SYNE3: variants seen among roughly 807,000 people sequenced by gnomAD.
SYNE3 encodes nesprin-3.
In SYNE3, 100 loss-of-function variants were observed where a neutral mutation model predicts 111.2. The ratio of observed to expected loss-of-function variants is 0.90; its 90% CI spans 0.77 to 1.06. The LOEUF is 1.06. SYNE3 is among the 50% of genes least tolerant of loss of function. The pLI is 0.00. For missense variants in SYNE3, 1,160 were observed against 1,240.3 expected, an observed-to-expected ratio of 0.94 and a Z score of 0.97; for synonymous variants, 547 against 533.9, an observed-to-expected ratio of 1.02 and a Z score of -0.34.
intron 8 of SYNE3, 24 bp downstream of exon 8, chr14:95,449,907 C>G (rs1027113033): frequency 6.5e-6 from 10 of 1,546,370 alleles, no homozygotes; most frequent in East Asian, 2.4e-5. Context: ...CCCAGCCCCA[C>G]CCAGTTGGCA....
chr14:95,459,458 G>A (rs766524900), intron 4 of SYNE3, among the ~76,000 whole-genome samples: 3 of 152,200 alleles, frequency 2.0e-5, no homozygotes, highest in Middle Eastern at 3.4e-3. Flanking sequence ...TCAGCTACTC[G>A]GGAGGCTGAG....
chr14:95,497,153 C>T (rs35898659), intron 1 of SYNE3, among the ~76,000 whole-genome samples: 8 of 152,204 alleles, frequency 5.3e-5, no homozygotes, highest in African/African-American at 1.9e-4. Flanking sequence ...AGCCCCTGTC[C>T]CCCCACACAG....
At chr14:95,457,493 G>T (rs1887542301) in intron 4 of SYNE3, among the ~76,000 whole-genome samples, 155 bp from the exon 5 acceptor site, 1 of 152,086 alleles carries the variant, frequency 6.6e-6, no homozygotes, top group Admixed American at 6.6e-5. Context: ...GACACAAAGA[G>T]CTCTCAGATA....
In SYNE3 at chr14:95,439,174, A is replaced by G; in HGVS notation, c.2247-12T>C. The G allele has an allele frequency of 6.2e-7, 1 of 1,614,192 alleles. No homozygotes were observed. Among genetic ancestry groups the G allele is most frequent in the Admixed American group, 1.7e-5 (1 of 60,034 alleles). ...AGTTTCTGATGAGGCTGAGAAGACA[A>G]ACTCAGCCCAGTCAATGCAGAGATG... On this transcript the variant is annotated splice_polypyrimidine_tract_variant and intron_variant, in intron 13 of 17. Coordinates refer to ENST00000682763, the MANE Select transcript of SYNE3 (RefSeq NM_152592.6).
chr14:95,432,431 C>A (rs927513752), intron 16 of SYNE3, among the ~76,000 whole-genome samples: 1 of 152,058 alleles, frequency 6.6e-6, no homozygotes, highest in African/African-American at 2.4e-5. Flanking sequence ...AAGCCTGGGG[C>A]GCCCAGCTTG....
At chr14:95,472,657 TG>T (rs1044926239) in intron 2 of SYNE3, among the ~76,000 whole-genome samples, 2 of 152,180 alleles carry the variant, frequency 1.3e-5, no homozygotes, top group African/African-American at 4.8e-5. Context: ...CAGAGAGCTC[TG>T]GGAAATCCTC....
rs1242681185 is a variant in SYNE3, at chr14:95,432,465, G to A, written c.2689-348C>T. 3.3e-5 allele frequency among the ~76,000 whole-genome samples: 5 copies of A among 152,036 alleles called. No homozygotes were observed. In the East Asian group the frequency reaches 9.7e-4, roughly 29 times the overall value. On this transcript the variant is annotated intron_variant, in intron 16 of 17. Transcript: ENST00000682763. ...TGGGGCTGGGGTCTGAGGCTGAAAG[G>A]GCCCTTAAGGGCCAGCTCACCACCC...
chr14:95,514,254 A>C (rs1042551164), intron 1 of SYNE3, among the ~76,000 whole-genome samples: 3 of 152,152 alleles, frequency 2.0e-5, no homozygotes, highest in African/African-American at 7.2e-5. Context: ...TTTGAAGCAG[A>C]GGTCAGCTAG....
At chr14:95,493,560 T>C (rs72692790) in intron 1 of SYNE3, among the ~76,000 whole-genome samples, 14,338 of 152,220 alleles carry the variant, frequency 0.094, 706 homozygotes, top group Non-Finnish European at 0.1. Flanking sequence ...ATAAATGACA[T>C]GAAATTTTTG....
At chr14:95,434,063 G>A (rs902036647) in intron 15 of SYNE3, among the ~76,000 whole-genome samples, 3 of 152,026 alleles carry the variant, frequency 2.0e-5, no homozygotes, top group African/African-American at 4.8e-5. Context: ...TGATATGGCT[G>A]GAGTTGGGTG....
intron 2 of SYNE3, among the ~76,000 whole-genome samples, chr14:95,473,112 G>A (rs113648369): frequency 0.011 from 1,653 of 152,248 alleles, 31 homozygotes; most frequent in African/African-American, 0.037. Flanking sequence ...TTGTGAAATT[G>A]GTTTTGAAGT....
chr14:95,438,702 G>A, intron 14 of SYNE3: 1 of 244,530 alleles, frequency 4.1e-6, no homozygotes. Flanking sequence ...CCAATCTGGG[G>A]CCAGCAGGAA....
chr14:95,514,529 T>C (rs763355275), intron 1 of SYNE3, among the ~76,000 whole-genome samples: 3 of 152,250 alleles, frequency 2.0e-5, no homozygotes, highest in Non-Finnish European at 4.4e-5. Context: ...TTCTCACATG[T>C]GCTGTGTCTG....
chr14:95,409,493 G>A lies in SYNE3; in HGVS notation c.*8333C>T, dbSNP rs754872336. ...AAGCCCAGGATCCTCGGGGGAAACC[G>A]AGGTCCCTCCTTATGATTGCTGTCT... On this transcript the variant is annotated 3_prime_UTR_variant, in exon 18 of 18. Coordinates refer to ENST00000682763, the MANE Select transcript of SYNE3 (RefSeq NM_152592.6). 16 of 414,778 alleles carry A rather than the reference G, an allele frequency of 3.9e-5. No homozygotes were observed. The highest frequency in any genetic ancestry group is 1.9e-4 in the Admixed American group (7 of 36,134). 25.7% of individuals were successfully genotyped at this position (414,778 alleles called of 1,614,324 possible).
At chr14:95,423,616 T>G (rs1386190129) in intron 17 of SYNE3, among the ~76,000 whole-genome samples, 1 of 6,692 alleles carries the variant, frequency 1.5e-4, no homozygotes, top group Non-Finnish European at 3.4e-4. Flanking sequence ...GGGGATTTGA[T>G]GGGGATGGGG....
chr14:95,429,724 A>C (rs1885638963), intron 17 of SYNE3, among the ~76,000 whole-genome samples: 1 of 152,186 alleles, frequency 6.6e-6, no homozygotes, highest in Non-Finnish European at 1.5e-5. Flanking sequence ...CCGTCTTTGC[A>C]TACCCCACCA....
intron 17 of SYNE3, among the ~76,000 whole-genome samples, chr14:95,424,486 G>T (rs1303632845): frequency 6.6e-6 from 1 of 152,190 alleles, no homozygotes; most frequent in Admixed American, 6.5e-5. Context: ...CCTCTACCCA[G>T]CCCCTACAGG....
chr14:95,449,473 G>A (rs1886923402), intron 8 of SYNE3: 1 of 985,456 alleles, frequency 1.0e-6, no homozygotes, highest in Non-Finnish European at 1.2e-6. Context: ...CAGCCATGCT[G>A]GGGCCATGAG....
At chr14:95,437,720 C>G (rs1339648294) in intron 14 of SYNE3, 1 of 152,218 alleles carries the variant, frequency 6.6e-6, no homozygotes, top group Non-Finnish European at 1.5e-5. Context: ...GTGGATGCCA[C>G]TCCCTTGCTT....
Sources: allele counts gnomAD v4.1 joint callset (sites outside exome capture counted in the v4.1 genomes callset), GRCh38; gene constraint gnomAD v4.1.1; transcripts MANE v1.5; gene names NCBI Gene and HGNC (gene_info 2026-07-23, HGNC 2026-07-21).